SLIT2: variants seen among roughly 807,000 people sequenced by gnomAD.
SLIT2 encodes slit homolog 2 protein.
Under a neutral mutation model 185.7 loss-of-function variants are expected in SLIT2, and 41 were observed. That is an observed-to-expected ratio of 0.22 (90% CI 0.17 to 0.29). The LOEUF is 0.29. Ranked by LOEUF, SLIT2 falls within the 10% of genes least tolerant of loss-of-function variation. The pLI, the probability that SLIT2 is intolerant of heterozygous loss-of-function variation, is 1.00. For missense variants in SLIT2, 1,571 were observed against 1,909.0 expected, an observed-to-expected ratio of 0.82 and a Z score of 3.30; for synonymous variants, 693 against 680.2, an observed-to-expected ratio of 1.02 and a Z score of -0.29.
Position 20,533,613 on chromosome 4 carries a change from C to T in SLIT2, c.1730C>T (p.Ala577Val). The T allele has an allele frequency of 6.2e-7, 1 of 1,610,484 alleles. No individual in the cohort carries two copies. Among genetic ancestry groups the T allele is most frequent in the Non-Finnish European group, 8.5e-7 (1 of 1,176,756 alleles). ...NNKITDIEEG[A>V]FEGASGVNEI... Reference sequence around the variant, plus strand: ...AAGATCACAGATATTGAGGAGGGAGCATTTGAAGGAGCATCTGGTGTAAAT... The same window carrying T: ...AAGATCACAGATATTGAGGAGGGAGTATTTGAAGGAGCATCTGGTGTAAAT... Residue 577 changes from alanine (A) to valine (V), a missense_variant, in exon 18 of 37, where the codon GCA (alanine) becomes GTA (valine). Physicochemically the swap from Ala to Val is moderately conservative, Grantham distance 64 (BLOSUM62 0). Transcript: ENST00000504154.
In SLIT2 at chr4:20,253,385, T is replaced by G; in HGVS notation, c.-431T>G. The G allele has an allele frequency of 5.3e-6, 1 of 188,024 alleles. No individual in the cohort carries two copies. Among genetic ancestry groups the G allele is most frequent in the Non-Finnish European group, 1.1e-5 (1 of 90,436 alleles). 11.6% of individuals were successfully genotyped at this position (188,024 alleles called of 1,614,324 possible). On this transcript the variant is annotated 5_prime_UTR_variant, in exon 1 of 37. Coordinates refer to ENST00000504154, the MANE Select transcript of SLIT2 (RefSeq NM_004787.4). ...CTGTCTTGTACCTTCGCCACTGGCA[T>G]CGGATTTGCAGAAGCGTGCGTGGGA...
intron 2 of SLIT2, among the ~76,000 whole-genome samples, chr4:20,257,492 A>T (rs55962356): frequency 0.036 from 5,545 of 152,098 alleles, 165 homozygotes; most frequent in Non-Finnish European, 0.056. Context: ...CCATGTCAGA[A>T]TTGAAGTATG....
At chr4:20,386,683 A>G (rs1724961215) in intron 4 of SLIT2, among the ~76,000 whole-genome samples, 1 of 152,184 alleles carries the variant, frequency 6.6e-6, no homozygotes, top group Non-Finnish European at 1.5e-5. Flanking sequence ...CTTAGCACAG[A>G]TATTGGGACA....
At chr4:20,563,356 A>G (rs1381726629) in intron 26 of SLIT2, among the ~76,000 whole-genome samples, 2 of 151,828 alleles carry the variant, frequency 1.3e-5, no homozygotes, top group African/African-American at 4.8e-5. Flanking sequence ...TGTTAATAAT[A>G]TGTTAACATT....
chr4:20,330,757 A>T (rs886823238), intron 4 of SLIT2, among the ~76,000 whole-genome samples: 1 of 151,986 alleles, frequency 6.6e-6, no homozygotes, highest in Non-Finnish European at 1.5e-5. Context: ...CATGGATAGT[A>T]TTAATTCATA....
intron 15 of SLIT2, among the ~76,000 whole-genome samples, chr4:20,525,615 A>G (rs1272701708): frequency 6.6e-6 from 1 of 152,126 alleles, no homozygotes; most frequent in Admixed American, 6.5e-5. Context: ...TTCATTTTCA[A>G]TCATGAAAAT....
chr4:20,343,759 A>C (rs1479596713), intron 4 of SLIT2, among the ~76,000 whole-genome samples: 1 of 147,518 alleles, frequency 6.8e-6, no homozygotes. Flanking sequence ...CTCCCTCTCC[A>C]GCCTCCCAAA....
At chr4:20,288,989 G>T (rs754762853) in intron 4 of SLIT2, among the ~76,000 whole-genome samples, 10 of 152,120 alleles carry the variant, frequency 6.6e-5, no homozygotes, top group Non-Finnish European at 1.0e-4. Flanking sequence ...CCAAAGAAAG[G>T]GCATGTGTTG....
At chr4:20,468,855 T>A (rs546629945) in intron 5 of SLIT2, among the ~76,000 whole-genome samples, 1 of 152,016 alleles carries the variant, frequency 6.6e-6, no homozygotes, top group Admixed American at 6.6e-5. Context: ...AATGCCTTTT[T>A]TTTTTTTTCA....
intron 4 of SLIT2, among the ~76,000 whole-genome samples, chr4:20,284,783 A>G (rs528619761): frequency 3.3e-5 from 5 of 152,326 alleles, no homozygotes; most frequent in African/African-American, 9.6e-5. Flanking sequence ...GTTTTTACCC[A>G]TTTATGTGTG....
chr4:20,525,501 T>A (rs1200717958), intron 15 of SLIT2, among the ~76,000 whole-genome samples: 1 of 152,160 alleles, frequency 6.6e-6, no homozygotes, highest in Non-Finnish European at 1.5e-5. Flanking sequence ...ATATCTGATC[T>A]TCCAACCTGT....
At chr4:20,502,795 G>T (rs968650829) in intron 9 of SLIT2, among the ~76,000 whole-genome samples, 2 of 152,182 alleles carry the variant, frequency 1.3e-5, no homozygotes, top group African/African-American at 4.8e-5. Flanking sequence ...TTTCTAGCAA[G>T]GTAGTAGCAT....
intron 4 of SLIT2, among the ~76,000 whole-genome samples, chr4:20,376,083 C>T (rs1228402473): frequency 1.6e-5 from 2 of 124,194 alleles, no homozygotes; most frequent in African/African-American, 5.9e-5. Context: ...TTTTTCAAAA[C>T]AAAAAACAAT....
chr4:20,550,595 A>G (rs577046497), intron 24 of SLIT2, among the ~76,000 whole-genome samples: 15 of 151,998 alleles, frequency 9.9e-5, no homozygotes, highest in South Asian at 2.1e-4. Flanking sequence ...CTTTTAATAC[A>G]TTTTTATTTT....
chr4:20,389,741 G>A (rs1326811680), intron 4 of SLIT2, among the ~76,000 whole-genome samples: 1 of 152,102 alleles, frequency 6.6e-6, no homozygotes, highest in East Asian at 1.9e-4. Context: ...ATGTGAAGAG[G>A]AGGTACAGAT....
intron 28 of SLIT2, among the ~76,000 whole-genome samples, chr4:20,567,939 T>C (rs577709907): frequency 6.6e-5 from 10 of 152,210 alleles, no homozygotes; most frequent in African/African-American, 2.2e-4. Context: ...ACTAGTCCCC[T>C]ACTGCTAGTC....
At chr4:20,523,683 T>C in intron 12 of SLIT2, 77 bp from the exon 13 acceptor site, 5 of 1,227,006 alleles carry the variant, frequency 4.1e-6, no homozygotes, top group African/African-American at 1.5e-5. Context: ...TGACTGGGTT[T>C]CCTTAAAAAG....
intron 4 of SLIT2, among the ~76,000 whole-genome samples, chr4:20,307,652 A>G (rs927814441): frequency 4.6e-5 from 7 of 152,212 alleles, no homozygotes; most frequent in African/African-American, 1.7e-4. Flanking sequence ...GCATTAAGAC[A>G]TTCAAGACAA....
At position 20,480,785 on chromosome 4, in the gene SLIT2, G is replaced by A. The variant is rs372549576; in HGVS notation, c.537G>A (p.Val179=). 3.0e-5 allele frequency: 49 copies of A among 1,608,592 alleles called. No individual in the cohort carries two copies. Among genetic ancestry groups the A allele is most frequent in the Non-Finnish European group, 3.8e-5 (45 of 1,175,116 alleles). ...GAFRALRDLE[V]LTLNNNNITR... ...TCAGGGCTCTCCGGGACCTGGAAGT[G>A]CTGTAAGTACTGCTATTTCTCTTGC... Residue 179 remains valine (V), a splice_region_variant and synonymous_variant, in exon 6 of 37, where the codon GTG becomes GTA. Coordinates refer to ENST00000504154, the MANE Select transcript of SLIT2 (RefSeq NM_004787.4).
Sources: gnomAD v4.1 joint callset for allele counts (sites outside exome capture counted in the v4.1 genomes callset) on GRCh38, gnomAD v4.1.1 for gene constraint, MANE v1.5 for transcripts, NCBI Gene and HGNC (gene_info 2026-07-23, HGNC 2026-07-21) for gene names.